INPP4B: variants seen among roughly 807,000 people sequenced by gnomAD.
INPP4B encodes inositol polyphosphate 4-phosphatase type II.
A neutral mutation model predicts 122.5 loss-of-function variants in INPP4B; 55 were observed. That is an observed-to-expected ratio of 0.45 (90% CI 0.36 to 0.56). The LOEUF (loss-of-function observed/expected upper bound fraction) is 0.56, where lower values mean the gene tolerates loss of function less well. INPP4B is among the 20% of genes least tolerant of loss of function. The pLI is 0.00. For missense variants in INPP4B, 1,000 were observed against 1,097.7 expected (o/e 0.91, Z 1.26); for synonymous variants, 403 against 388.7 (o/e 1.04, Z -0.43).
At chr4:142,149,899 A>G (rs889017239) in intron 17 of INPP4B, among the ~76,000 whole-genome samples, 1 of 152,236 alleles carries the variant, frequency 6.6e-6, no homozygotes, top group Non-Finnish European at 1.5e-5. Context: ...GGTGCAGATA[A>G]CAAGGAGGAA....
At chr4:142,233,673 A>T (rs1337389876) in intron 12 of INPP4B, among the ~76,000 whole-genome samples, 6 of 152,168 alleles carry the variant, frequency 3.9e-5, no homozygotes, top group African/African-American at 1.4e-4. Flanking sequence ...AGCTGAGAAA[A>T]AACTTCAGAG....
intron 14 of INPP4B, among the ~76,000 whole-genome samples, chr4:142,198,310 A>G (rs2149415283): frequency 6.6e-6 from 1 of 152,160 alleles, no homozygotes; most frequent in Non-Finnish European, 1.5e-5. Context: ...TGTAATTCTT[A>G]TTTATCAAAC....
intron 7 of INPP4B, among the ~76,000 whole-genome samples, chr4:142,389,251 GAAAA>G (rs199976631): frequency 1.3e-4 from 12 of 89,522 alleles, no homozygotes; most frequent in African/African-American, 1.3e-4. Flanking sequence ...CTCCATCTCA[GAAAA>G]AAAAAAAAAA....
intron 9 of INPP4B, among the ~76,000 whole-genome samples, chr4:142,301,248 T>A (rs1579659455): frequency 6.6e-6 from 1 of 152,162 alleles, no homozygotes; most frequent in African/African-American, 2.4e-5. Context: ...AAGGAAGTAA[T>A]CATCATGAAT....
At chr4:142,306,635 G>T (rs1390252826) in intron 8 of INPP4B, among the ~76,000 whole-genome samples, 1 of 152,218 alleles carries the variant, frequency 6.6e-6, no homozygotes, top group African/African-American at 2.4e-5. Flanking sequence ...AAAGCTTCAA[G>T]TCGGAATTTT....
chr4:142,236,182 A>G (rs904302373), intron 12 of INPP4B, among the ~76,000 whole-genome samples: 6 of 152,302 alleles, frequency 3.9e-5, no homozygotes, highest in African/African-American at 1.4e-4. Context: ...TCAACCCTTC[A>G]GGATAAAACG....
At chr4:142,645,817 T>C (rs1751656240) in intron 2 of INPP4B, among the ~76,000 whole-genome samples, 1 of 152,206 alleles carries the variant, frequency 6.6e-6, no homozygotes, top group Non-Finnish European at 1.5e-5. Flanking sequence ...CCTGGCCTAA[T>C]TAATACTGTA....
At chr4:142,226,434 A>T (rs1174298021) in intron 12 of INPP4B, among the ~76,000 whole-genome samples, 1 of 152,214 alleles carries the variant, frequency 6.6e-6, no homozygotes, top group Non-Finnish European at 1.5e-5. Context: ...TATCATGATT[A>T]TGGAATAATT....
At position 142,554,137 on chromosome 4, in the gene INPP4B, C is replaced by T. The variant is rs114555321; in HGVS notation, c.-190-91411G>A. Among the ~76,000 whole-genome samples, 1,064 of 145,488 alleles carry T rather than the reference C, an allele frequency of 7.3e-3. 11 individuals carry two copies. Among genetic ancestry groups the T allele is most frequent in the African/African-American group, 0.026 (1,003 of 39,166 alleles). On this transcript the variant is annotated intron_variant, in intron 2 of 25. Coordinates refer to ENST00000262992, the MANE Select transcript of INPP4B (RefSeq NM_001101669.3). ...CCTGAAGGAGGAGGTTGCAGTGAGC[C>T]GATATTGCCCAGTGCACTCCAGCCT...
intron 5 of INPP4B, among the ~76,000 whole-genome samples, chr4:142,406,889 A>T (rs1803502993): frequency 6.6e-6 from 1 of 152,166 alleles, no homozygotes; most frequent in Non-Finnish European, 1.5e-5. Flanking sequence ...TCACATTTAC[A>T]TTACTAGAAT....
chr4:142,060,928 G>C (rs906947932), intron 25 of INPP4B, among the ~76,000 whole-genome samples: 1 of 152,090 alleles, frequency 6.6e-6, no homozygotes, highest in Non-Finnish European at 1.5e-5. Context: ...GATTTTGCTC[G>C]TAATTACTTA....
intron 11 of INPP4B, among the ~76,000 whole-genome samples, chr4:142,245,482 C>A (rs996666923): frequency 6.6e-6 from 1 of 152,080 alleles, no homozygotes; most frequent in East Asian, 1.9e-4. Context: ...ATCCTTTCCC[C>A]ATTGCCAGTA....
intron 1 of INPP4B, among the ~76,000 whole-genome samples, chr4:142,761,017 C>T (rs1331436263): frequency 6.6e-6 from 1 of 152,080 alleles, no homozygotes; most frequent in Non-Finnish European, 1.5e-5. Flanking sequence ...TCTGTTATTT[C>T]TTATTTATTT....
intron 16 of INPP4B, among the ~76,000 whole-genome samples, chr4:142,162,423 A>G (rs1318462429): frequency 2.6e-5 from 4 of 151,828 alleles, no homozygotes; most frequent in Admixed American, 1.3e-4. Context: ...TATAGCATGG[A>G]TGTGCTTATC....
At chr4:142,708,179 A>T (rs1322379021) in intron 2 of INPP4B, among the ~76,000 whole-genome samples, 2 of 152,196 alleles carry the variant, frequency 1.3e-5, no homozygotes, top group Non-Finnish European at 2.9e-5. Context: ...GCTGCTTCTA[A>T]CAACATATGC....
intron 2 of INPP4B, among the ~76,000 whole-genome samples, chr4:142,698,313 A>G (rs1337718232): frequency 6.6e-6 from 1 of 151,800 alleles, no homozygotes; most frequent in Non-Finnish European, 1.5e-5. Flanking sequence ...GACATACGAG[A>G]TTAATTTTTA....
intron 2 of INPP4B, among the ~76,000 whole-genome samples, chr4:142,659,591 G>C (rs1754788564): frequency 1.3e-5 from 2 of 152,164 alleles, no homozygotes; most frequent in Non-Finnish European, 2.9e-5. Context: ...AGGGATGGGT[G>C]ATGTAGAAAT....
chr4:142,622,957 A>G (rs1362644138), intron 2 of INPP4B, among the ~76,000 whole-genome samples: 1 of 151,960 alleles, frequency 6.6e-6, no homozygotes, highest in Non-Finnish European at 1.5e-5. Context: ...TGTTAAGCCA[A>G]TGGGAATAAA....
At chr4:142,252,333 C>T (rs1199760045) in intron 11 of INPP4B, among the ~76,000 whole-genome samples, 9 of 151,638 alleles carry the variant, frequency 5.9e-5, no homozygotes, top group Admixed American at 2.0e-4. Flanking sequence ...GGACTACAGG[C>T]GCCCGCTACC....
Sources: gnomAD v4.1 joint callset for allele counts (sites outside exome capture counted in the v4.1 genomes callset) on GRCh38, gnomAD v4.1.1 for gene constraint, MANE v1.5 for transcripts, NCBI Gene and HGNC (gene_info 2026-07-23, HGNC 2026-07-21) for gene names.